Variants in PKNOX2 observed in about 807,000 individuals in gnomAD.
The protein encoded by PKNOX2 is homeobox protein PKNOX2.
A neutral mutation model predicts 53.1 loss-of-function variants in PKNOX2; 14 were observed. The ratio of observed to expected loss-of-function variants is 0.26; its 90% confidence interval spans 0.17 to 0.41. PKNOX2 has a LOEUF of 0.41. PKNOX2 is among the 10% of genes least tolerant of loss of function. The pLI is 1.00. For missense variants in PKNOX2, 496 were observed against 602.8 expected, an observed-to-expected ratio of 0.82 and a Z score of 1.85; for synonymous variants, 257 against 242.8, an observed-to-expected ratio of 1.06 and a Z score of -0.54.
At chr11:125,254,233 G>A (rs1036349056) in intron 2 of PKNOX2, among the ~76,000 whole-genome samples, 2 of 152,200 alleles carry the variant, frequency 1.3e-5, no homozygotes, top group African/African-American at 4.8e-5. Flanking sequence ...TATTCCAAGT[G>A]TAAAAACTCA....
intron 1 of PKNOX2, among the ~76,000 whole-genome samples, chr11:125,208,118 T>C (rs547219435): frequency 6.6e-6 from 1 of 152,078 alleles, no homozygotes; most frequent in Non-Finnish European, 1.5e-5. Flanking sequence ...CAGGGGATGA[T>C]TCATGGATGA....
rs1202496169 is a variant in PKNOX2 at position 125,370,241 on chromosome 11, G to T, written c.227+2256G>T. On this transcript the variant is annotated intron_variant, in intron 5 of 12. Transcript: ENST00000298282. This position sits in a 1 kb window ranked among gnomAD's most constrained non-coding sequence, Gnocchi z 4.1. ...AGAATCAATGAGACGGCCCGTGGAG[G>T]CACCTGGCCCTGCGTCCAGCACCAA... Among the ~76,000 whole-genome samples the T allele has an allele frequency of 2.0e-5, 3 of 152,128 alleles. No individual in the cohort carries two copies. Among genetic ancestry groups the T allele is most frequent in the Non-Finnish European group, 4.4e-5 (3 of 68,022 alleles).
In PKNOX2 at chr11:125,229,263, C is replaced by CG. The variant is rs552207444; in HGVS notation, c.-200-5777dup. On this transcript the variant is annotated intron_variant, in intron 1 of 12. Transcript: ENST00000298282. ...AGCCTCTAGGTGTCTGGCCCCGTGA[C>CG]GGGGGAGACTTCTGGGGCAACACCT... is the stretch of plus-strand genomic sequence containing the variant. Among the ~76,000 whole-genome samples, 535 of 152,154 alleles carry CG rather than the reference C, an allele frequency of 3.5e-3. 6 individuals are homozygous for CG. The highest frequency in any genetic ancestry group is 0.012 in the African/African-American group (493 of 41,496).
chr11:125,410,680 G>A (rs1008216391), intron 8 of PKNOX2, 99 bp from the exon 9 acceptor site: 2 of 892,808 alleles, frequency 2.2e-6, no homozygotes, highest in Non-Finnish European at 3.6e-6. Flanking sequence ...CCAAGTAGAG[G>A]GTCTTTACAC....
intron 2 of PKNOX2, among the ~76,000 whole-genome samples, chr11:125,306,655 T>C (rs777274541): frequency 4.1e-4 from 63 of 152,184 alleles, no homozygotes; most frequent in Non-Finnish European, 6.8e-4. Context: ...GCAAATGTTA[T>C]GGAGGAATAA....
chr11:125,200,643 C>G (rs914527112), intron 1 of PKNOX2, among the ~76,000 whole-genome samples: 1 of 152,198 alleles, frequency 6.6e-6, no homozygotes, highest in Non-Finnish European at 1.5e-5. Flanking sequence ...AAGCCACAGC[C>G]GTCACCCATG....
At chr11:125,378,785 C>G (rs1281874530) in intron 5 of PKNOX2, among the ~76,000 whole-genome samples, 1 of 152,198 alleles carries the variant, frequency 6.6e-6, no homozygotes, top group Admixed American at 6.5e-5. Flanking sequence ...GCATTCACAT[C>G]TCCCCTTGCC....
chr11:125,349,244 C>A (rs1021041608), intron 3 of PKNOX2, among the ~76,000 whole-genome samples: 1 of 152,108 alleles, frequency 6.6e-6, no homozygotes, highest in African/African-American at 2.4e-5. Context: ...CCACCCCCAC[C>A]TTTTTCCCTC....
At chr11:125,250,201 CCACCA>C (rs1317387888) in intron 2 of PKNOX2, among the ~76,000 whole-genome samples, 8 of 152,112 alleles carry the variant, frequency 5.3e-5, no homozygotes, top group African/African-American at 1.9e-4. Flanking sequence ...CAGGTGCATG[CCACCA>C]TGCCCAGCTT....
intron 2 of PKNOX2, among the ~76,000 whole-genome samples, chr11:125,310,390 G>T (rs1042780080): frequency 1.3e-5 from 2 of 152,014 alleles, no homozygotes; most frequent in East Asian, 3.9e-4. Context: ...AGCTACTCAG[G>T]AGTCTGAGGC....
At chr11:125,312,213 A>G (rs1948851151) in intron 2 of PKNOX2, among the ~76,000 whole-genome samples, 1 of 152,178 alleles carries the variant, frequency 6.6e-6, no homozygotes, top group African/African-American at 2.4e-5. Flanking sequence ...TGTGCGGGTA[A>G]GAAGGATGTT....
At chr11:125,171,174 G>T (rs944444563) in intron 1 of PKNOX2, among the ~76,000 whole-genome samples, 37 of 152,194 alleles carry the variant, frequency 2.4e-4, no homozygotes, top group African/African-American at 8.9e-4. Context: ...CTTGGAAATA[G>T]AACCCAGTAA....
chr11:125,183,856 T>C (rs539716485), intron 1 of PKNOX2, among the ~76,000 whole-genome samples: 3 of 152,280 alleles, frequency 2.0e-5, no homozygotes, highest in African/African-American at 7.2e-5. Context: ...AGTGCCAGTG[T>C]GGTCAGGGAA....
intron 6 of PKNOX2, among the ~76,000 whole-genome samples, chr11:125,389,707 C>G (rs2135406674): frequency 6.6e-6 from 1 of 152,320 alleles, no homozygotes; most frequent in African/African-American, 2.4e-5. Flanking sequence ...ATTTACGGGC[C>G]CCCGGTGCAG....
intron 2 of PKNOX2, among the ~76,000 whole-genome samples, chr11:125,301,853 G>A (rs1948091927): frequency 6.6e-6 from 1 of 152,204 alleles, no homozygotes; most frequent in African/African-American, 2.4e-5. Context: ...TTTTGCAGAT[G>A]TAATTTAAGC....
At chr11:125,197,418 C>T (rs1488527596) in intron 1 of PKNOX2, among the ~76,000 whole-genome samples, 1 of 152,158 alleles carries the variant, frequency 6.6e-6, no homozygotes, top group East Asian at 1.9e-4. Flanking sequence ...AAGGATCAGG[C>T]CACCCCTACC....
intron 1 of PKNOX2, among the ~76,000 whole-genome samples, chr11:125,222,317 A>C (rs1463161134): frequency 6.6e-6 from 1 of 151,172 alleles, no homozygotes; most frequent in Non-Finnish European, 1.5e-5. Context: ...TCTGAGGTGC[A>C]CTGGGGGGAT....
At chr11:125,342,089 C>T (rs896535226) in intron 3 of PKNOX2, among the ~76,000 whole-genome samples, 2 of 152,000 alleles carry the variant, frequency 1.3e-5, no homozygotes, top group African/African-American at 4.8e-5. Context: ...TGGGTATGAG[C>T]GTCTCAGGAA....
chr11:125,432,777 A>G lies in PKNOX2; in HGVS notation c.*1385A>G, dbSNP rs1193731882. 3 of 152,464 alleles carry G rather than the reference A, an allele frequency of 2.0e-5. No homozygotes were observed. The highest frequency in any genetic ancestry group is 4.4e-5 in the Non-Finnish European group (3 of 68,010). 9.4% of individuals were successfully genotyped at this position (152,464 alleles called of 1,614,324 possible). ...AGGACAGGTCACACGTGTGTTTTCC[A>G]TTGGGTTTAATTTAATGGACGTGCA... On this transcript the variant is annotated 3_prime_UTR_variant, in exon 13 of 13. Transcript: ENST00000298282.
Sources: gnomAD v4.1 joint callset for allele counts (sites outside exome capture counted in the v4.1 genomes callset) on GRCh38, gnomAD v4.1.1 for gene constraint, Gnocchi (gnomAD v3.1) non-coding constraint, MANE v1.5 for transcripts, NCBI Gene and HGNC (gene_info 2026-07-23, HGNC 2026-07-21) for gene names.